Variants in ADAMTS5 observed in about 807,000 individuals in gnomAD.
The protein encoded by ADAMTS5 is ADAM metallopeptidase with thrombospondin type 1 motif 5.
Under a neutral mutation model 81.4 loss-of-function variants are expected in ADAMTS5, and 54 were observed. That is an observed-to-expected ratio of 0.66 (90% CI 0.53 to 0.83). The LOEUF (loss-of-function observed/expected upper bound fraction) is 0.83, where lower values mean the gene tolerates loss of function less well. Among genes scored for constraint, ADAMTS5 ranks in the 40% least tolerant of loss-of-function variants. The probability of loss-of-function intolerance (pLI) is 0.00; values close to 1 mark genes in which losing one functional copy is unlikely to be tolerated. For synonymous variants in ADAMTS5, 532 were observed against 508.8 expected (o/e 1.05, Z -0.61); for missense variants, 1,194 against 1,229.9 (o/e 0.97, Z 0.44).
chr21:26,934,395 C>G lies in ADAMTS5; in HGVS notation c.1689+71G>C. On this transcript the variant is annotated intron_variant, in intron 4 of 7. Coordinates refer to ENST00000284987, the MANE Select transcript of ADAMTS5 (RefSeq NM_007038.5). ...AAAATAAAGCCTTCTGAGAACAGTG[C>G]CCATACCCATCACAAGAATGCACTT... 5 of 1,574,622 alleles carry G rather than the reference C, an allele frequency of 3.2e-6. No individual in the cohort carries two copies. In the South Asian group the frequency reaches 5.9e-5, roughly 18 times the overall value.
chr21:26,943,071 G>A (rs2123186031), intron 3 of ADAMTS5, among the ~76,000 whole-genome samples: 1 of 152,274 alleles, frequency 6.6e-6, no homozygotes, highest in Non-Finnish European at 1.5e-5. Context: ...CTCACAGGAA[G>A]CTAGTGGTAA....
Position 26,966,728 on chromosome 21 carries a change from A to T in ADAMTS5, c.-337T>A, listed in dbSNP as rs73356156. On this transcript the variant is annotated 5_prime_UTR_variant, in exon 1 of 8. Coordinates refer to ENST00000284987, the MANE Select transcript of ADAMTS5 (RefSeq NM_007038.5). ...GGAAAAAAACAAAAACCAAAAAACC[A>T]CCAAATGCAGGCACGATCGCTGTTT... Among the ~76,000 whole-genome samples, 47 of 151,168 alleles carry T rather than the reference A, an allele frequency of 3.1e-4. No individual in the cohort carries two copies. Among genetic ancestry groups the T allele is most frequent in the African/African-American group, 1.1e-3 (46 of 41,204 alleles).
chr21:26,947,585 C>T (rs1253861360), intron 2 of ADAMTS5, among the ~76,000 whole-genome samples: 1 of 152,038 alleles, frequency 6.6e-6, no homozygotes, highest in Non-Finnish European at 1.5e-5. Flanking sequence ...AGGCGCACAC[C>T]ACCATTCCTG....
chr21:26,937,844 T>C (rs1987041999), intron 3 of ADAMTS5, among the ~76,000 whole-genome samples: 1 of 152,206 alleles, frequency 6.6e-6, no homozygotes, highest in Admixed American at 6.5e-5. Context: ...TTCTAATTCA[T>C]CGTAGTCTGA....
At position 26,924,419 on chromosome 21, in the gene ADAMTS5, G is replaced by A. The variant is rs11911960; in HGVS notation, c.2427C>T (p.Ser809=). The A allele has an allele frequency of 1.4e-3, 2,205 of 1,614,118 alleles. 20 individuals are homozygous for A. In the African/African-American group the frequency reaches 0.021, roughly 16 times the overall value. Residue 809 remains serine, a synonymous_variant, in exon 8 of 8, where the codon AGC becomes AGT. Coordinates refer to ENST00000284987, the MANE Select transcript of ADAMTS5 (RefSeq NM_007038.5). ...GGAAGTCATCCCTGTGGCTCCAACC[G>A]CTATAGTTCATGACTGTTCCATTGA... ...IDINGTVMNY[S]GWSHRDDFLH...
At chr21:26,930,159 GA>G in intron 6 of ADAMTS5, 98 bp from the exon 7 acceptor site, 1 of 1,229,052 alleles carries the variant, frequency 8.1e-7, no homozygotes, top group East Asian at 2.4e-5. Flanking sequence ...TTTTGAGTTT[GA>G]TTGGTATGGA....
rs1191958860 is a variant in ADAMTS5, at chr21:26,966,898, C to T, written c.-507G>A. On this transcript the variant is annotated 5_prime_UTR_variant, in exon 1 of 8. Transcript: ENST00000284987. ...TTTCTTATTTTGTGGGTTTCCTTGG[C>T]TCTGCTGGGACCAGGAGGAAGGGAA... Among the ~76,000 whole-genome samples, 1 of 152,094 alleles carries T rather than the reference C, an allele frequency of 6.6e-6. No individual in the cohort carries two copies. The highest frequency in any genetic ancestry group is 1.5e-5 in the Non-Finnish European group (1 of 68,014).
rs1041272905 is a variant in ADAMTS5 at position 26,943,535 on chromosome 21, C to T, written c.1250G>A (p.Gly417Asp). Reference sequence around the variant, plus strand: ...GAATTTGGAATCGTCATGGGAGAGGCCAAGTAAATGTCCTAAGGGAGACAA... The same window carrying T: ...GAATTTGGAATCGTCATGGGAGAGGTCAAGTAAATGTCCTAAGGGAGACAA... ...TVAHEIGHLL[G>D]LSHDDSKFCE... The change falls in exon 3 of 8, where the codon GGC becomes GAC. Residue 417 changes from glycine to aspartate, a missense_variant. By Grantham distance (94) the Gly-to-Asp change is moderately conservative (BLOSUM62 -1). Coordinates refer to ENST00000284987, the MANE Select transcript of ADAMTS5 (RefSeq NM_007038.5). 2.5e-6 allele frequency: 4 copies of T among 1,613,072 alleles called. No individual in the cohort carries two copies. The highest frequency in any genetic ancestry group is 3.4e-6 in the Non-Finnish European group (4 of 1,179,366).
chr21:26,946,788 A>G (rs1303369673), intron 2 of ADAMTS5, among the ~76,000 whole-genome samples: 2 of 152,218 alleles, frequency 1.3e-5, no homozygotes, highest in Non-Finnish European at 2.9e-5. Flanking sequence ...ACAGAGCAAC[A>G]GAGTTAGTTG....
intron 1 of ADAMTS5, among the ~76,000 whole-genome samples, chr21:26,955,885 G>A (rs900637661): frequency 2.0e-5 from 3 of 152,128 alleles, no homozygotes; most frequent in Non-Finnish European, 4.4e-5. Flanking sequence ...AAAAGGAAAA[G>A]TTTTAAAAAT....
chr21:26,943,362 C>G lies in ADAMTS5; in HGVS notation c.1405+18G>C. The stretch of plus-strand genomic sequence containing the variant: ...CAAATTTTGTTTCTCAGTCTGTGTT[C>G]TCCTAAATGATACATACCATGGCCA... On this transcript the variant is annotated intron_variant, in intron 3 of 7. Transcript: ENST00000284987. 6.2e-7 allele frequency: 1 copy of G among 1,601,872 alleles called. No individual in the cohort carries two copies. The highest frequency in any genetic ancestry group is 8.5e-7 in the Non-Finnish European group (1 of 1,174,822).
At chr21:26,931,238 G>C (rs1986901199) in intron 6 of ADAMTS5, among the ~76,000 whole-genome samples, 3 of 152,048 alleles carry the variant, frequency 2.0e-5, no homozygotes, top group Non-Finnish European at 4.4e-5. Flanking sequence ...GTAGAGACAG[G>C]GTTTCACCAT....
In ADAMTS5 at chr21:26,918,231, A is replaced by G. The variant is rs372971663; in HGVS notation, c.*5822T>C. ...CCAAGATTTTTGGTTTTTCAACTGCATTATATACCATTGCTTCTGGAAAAT... is the reference window on the plus strand; with the variant it reads ...CCAAGATTTTTGGTTTTTCAACTGCGTTATATACCATTGCTTCTGGAAAAT... On this transcript the variant is annotated 3_prime_UTR_variant, in exon 8 of 8. Coordinates refer to ENST00000284987, the MANE Select transcript of ADAMTS5 (RefSeq NM_007038.5). The G allele has an allele frequency of 7.3e-4, 111 of 152,582 alleles. 1 individual carries two copies. Among genetic ancestry groups the G allele is most frequent in the African/African-American group, 2.6e-3 (107 of 41,560 alleles). 9.5% of individuals were successfully genotyped at this position (152,582 alleles called of 1,614,324 possible).
intron 7 of ADAMTS5, among the ~76,000 whole-genome samples, chr21:26,928,360 C>T (rs974732728): frequency 6.6e-6 from 1 of 152,134 alleles, no homozygotes; most frequent in Non-Finnish European, 1.5e-5. Context: ...CTTGGTCAAA[C>T]CAATTTTCAG....
rs7275653 is a variant in ADAMTS5, at chr21:26,928,982, G to A, written c.2225+904C>T. 5.7e-3 allele frequency among the ~76,000 whole-genome samples: 864 copies of A among 152,044 alleles called. 6 individuals carry two copies. The highest frequency in any genetic ancestry group is 0.02 in the African/African-American group (825 of 41,488). ...CATAGATGGTCTAACACAATTAGGT[G>A]AATAATTATTTCATTAGCAAATAGA... On this transcript the variant is annotated intron_variant, in intron 7 of 7. Coordinates refer to ENST00000284987, the MANE Select transcript of ADAMTS5 (RefSeq NM_007038.5).
intron 2 of ADAMTS5, among the ~76,000 whole-genome samples, chr21:26,946,130 A>C (rs1987211033): frequency 6.6e-6 from 1 of 152,210 alleles, no homozygotes; most frequent in Non-Finnish European, 1.5e-5. Flanking sequence ...GCATGGCGAG[A>C]GAACCGCGTG....
intron 2 of ADAMTS5, among the ~76,000 whole-genome samples, chr21:26,944,457 T>C (rs1196904498): frequency 6.6e-6 from 1 of 152,168 alleles, no homozygotes; most frequent in Non-Finnish European, 1.5e-5. Context: ...TCCAAGTAAA[T>C]TGCTTTTTAT....
At chr21:26,962,395 T>C (rs1987546275) in intron 1 of ADAMTS5, among the ~76,000 whole-genome samples, 1 of 152,188 alleles carries the variant, frequency 6.6e-6, no homozygotes, top group African/African-American at 2.4e-5. Flanking sequence ...AAAACAGCTT[T>C]TATGCCAGGA....
Position 26,954,888 on chromosome 21 carries a change from A to C in ADAMTS5, c.1105-17T>G, listed in dbSNP as rs369607939. 36 of 1,612,956 alleles carry C rather than the reference A, an allele frequency of 2.2e-5. No individual in the cohort carries two copies. The Middle Eastern group carries it at 1.5e-3, about 67-fold the overall frequency. ...ACATAAATCCTGCCCAGGAGAAAGA[A>C]AGAAATCATTAAAATCAATTTACAT... On this transcript the variant is annotated splice_polypyrimidine_tract_variant and intron_variant, in intron 1 of 7. Transcript: ENST00000284987.
Sources: allele counts gnomAD v4.1 joint callset (sites outside exome capture counted in the v4.1 genomes callset), GRCh38; gene constraint gnomAD v4.1.1; transcripts MANE v1.5; gene names NCBI Gene and HGNC (gene_info 2026-07-23, HGNC 2026-07-21).